Variants in RAP1GAP2 observed in about 807,000 individuals in gnomAD.
The protein encoded by RAP1GAP2 is RAP1 GTPase activating protein 2.
In RAP1GAP2, 27 loss-of-function variants were observed where a neutral mutation model predicts 95.0. The observed-to-expected ratio is 0.28, with a 90% confidence interval of 0.21 to 0.39. The LOEUF (loss-of-function observed/expected upper bound fraction) is 0.39. RAP1GAP2 is among the 10% of genes least tolerant of loss of function. RAP1GAP2 has a pLI of 1.00. For missense variants in RAP1GAP2, 771 were observed against 970.0 expected (o/e 0.79, Z 2.72); for synonymous variants, 373 against 380.9 (o/e 0.98, Z 0.24).
chr17:2,834,907 T>A (rs1042923515), intron 2 of RAP1GAP2, among the ~76,000 whole-genome samples: 3 of 151,922 alleles, frequency 2.0e-5, no homozygotes, highest in Non-Finnish European at 4.4e-5. Flanking sequence ...TTAAAATAAA[T>A]TAAATTAATT....
intron 2 of RAP1GAP2, among the ~76,000 whole-genome samples, chr17:2,842,578 TG>T (rs2071414217): frequency 6.7e-6 from 1 of 148,260 alleles, no homozygotes; most frequent in African/African-American, 2.5e-5. Context: ...CCTCTAGGAA[TG>T]GCATGAAATA....
intron 2 of RAP1GAP2, among the ~76,000 whole-genome samples, chr17:2,860,489 T>G (rs946907545): frequency 2.6e-5 from 4 of 151,656 alleles, no homozygotes; most frequent in Non-Finnish European, 5.9e-5. Flanking sequence ...GTCTCCCTTA[T>G]CCTCTCTCCT....
chr17:2,919,412 C>G (rs2042677331), intron 3 of RAP1GAP2, among the ~76,000 whole-genome samples: 1 of 152,204 alleles, frequency 6.6e-6, no homozygotes, highest in African/African-American at 2.4e-5. Flanking sequence ...CTGGGAGCGT[C>G]CCAAGGCTGG....
rs531328085 is a variant in RAP1GAP2, at chr17:2,801,127, C to T, written c.80+577C>T. 2.0e-5 allele frequency among the ~76,000 whole-genome samples: 3 copies of T among 151,108 alleles called. No homozygotes were observed. The South Asian group carries it at 6.3e-4, about 32-fold the overall frequency. Reference sequence around the variant, plus strand: ...CCTCCCAAAGTGCTGGGATTATAGGCGTGAGCCACTGCGCCTAGCCCAGAC... The same window carrying T: ...CCTCCCAAAGTGCTGGGATTATAGGTGTGAGCCACTGCGCCTAGCCCAGAC... On this transcript the variant is annotated intron_variant, in intron 2 of 24. Transcript: ENST00000254695.
intron 3 of RAP1GAP2, among the ~76,000 whole-genome samples, chr17:2,933,296 A>T (rs1251694388): frequency 6.6e-6 from 1 of 151,800 alleles, no homozygotes; most frequent in African/African-American, 2.4e-5. Flanking sequence ...CAGGGCCAGT[A>T]AAGTGCCTGG....
chr17:2,928,283 C>T (rs548830884), intron 3 of RAP1GAP2, among the ~76,000 whole-genome samples: 8 of 152,174 alleles, frequency 5.3e-5, no homozygotes, highest in Non-Finnish European at 7.3e-5. Context: ...TCCATGCGGC[C>T]GGTGGGGAAA....
rs933314544 is a variant in RAP1GAP2, at chr17:2,818,605, G to T, written c.80+18055G>T. ...GGCCTCCCAAAGTTTTGGGATTGCA[G>T]GTGTGAGCCACCGTGCCCGGCCTCA... On this transcript the variant is annotated intron_variant, in intron 2 of 24. Transcript: ENST00000254695. 1.2e-4 allele frequency among the ~76,000 whole-genome samples: 19 copies of T among 152,228 alleles called. 1 individual carries two copies. The highest frequency in any genetic ancestry group is 5.2e-4 in the Admixed American group (8 of 15,270).
intron 2 of RAP1GAP2, among the ~76,000 whole-genome samples, chr17:2,895,047 G>C (rs184626627): frequency 5.3e-5 from 8 of 152,330 alleles, no homozygotes; most frequent in Admixed American, 3.3e-4. Context: ...GGCACTGTTT[G>C]TACTGTGTGT....
chr17:3,021,582 C>T (rs1489565749), intron 19 of RAP1GAP2, among the ~76,000 whole-genome samples: 1 of 152,126 alleles, frequency 6.6e-6, no homozygotes, highest in Non-Finnish European at 1.5e-5. Context: ...ACTACAGGCG[C>T]ATGCCACCAC....
rs530165561 is a variant in RAP1GAP2 at position 2,880,133 on chromosome 17, G to A, written c.81-25151G>A. On this transcript the variant is annotated intron_variant, in intron 2 of 24. Transcript: ENST00000254695. Reference sequence around the variant, plus strand: ...AGCACGGGGACTGATGGATGACATCGGAAGGGAGGGACATTCAGGCAGAGA... The same window carrying A: ...AGCACGGGGACTGATGGATGACATCAGAAGGGAGGGACATTCAGGCAGAGA... Among the ~76,000 whole-genome samples, 35 of 152,242 alleles carry A rather than the reference G, an allele frequency of 2.3e-4. No homozygotes were observed. In the South Asian group the frequency reaches 7.1e-3, roughly 31 times the overall value.
chr17:2,990,549 C>T (rs1203833151), intron 11 of RAP1GAP2, among the ~76,000 whole-genome samples: 1 of 152,078 alleles, frequency 6.6e-6, no homozygotes, highest in African/African-American at 2.4e-5. Context: ...GTGAAGTTGC[C>T]GGATCATATG....
intron 3 of RAP1GAP2, among the ~76,000 whole-genome samples, chr17:2,943,002 C>T (rs553289210): frequency 2.1e-4 from 32 of 152,084 alleles, no homozygotes; most frequent in Non-Finnish European, 4.6e-4. Context: ...CTCCTGACCT[C>T]AAGTGATCTG....
chr17:2,775,059 T>C (rs1466799329), upstream of RAP1GAP2, among the ~76,000 whole-genome samples: 1 of 151,206 alleles, frequency 6.6e-6, no homozygotes, highest in East Asian at 2.0e-4. Flanking sequence ...CTTGAACTCC[T>C]GACCTTAAAT....
Position 2,962,726 on chromosome 17 carries a change from G to C in RAP1GAP2, c.246+12G>C. 1 of 1,589,034 alleles carries C rather than the reference G, an allele frequency of 6.3e-7. No homozygotes were observed. The highest frequency in any genetic ancestry group is 8.5e-7 in the Non-Finnish European group (1 of 1,170,880). ...CCCAGAAGAACAAGGTGGGCTGGGT[G>C]GGTGAGGGGGTGGCCAGACGGCCCT... On this transcript the variant is annotated intron_variant, in intron 5 of 24. Coordinates refer to ENST00000254695, the MANE Select transcript of RAP1GAP2 (RefSeq NM_015085.5).
chr17:2,802,257 G>T (rs2069332408), intron 2 of RAP1GAP2, among the ~76,000 whole-genome samples: 1 of 152,204 alleles, frequency 6.6e-6, no homozygotes, highest in Non-Finnish European at 1.5e-5. Flanking sequence ...CCTGGGCAAA[G>T]TACGGCCAGT....
intron 17 of RAP1GAP2, among the ~76,000 whole-genome samples, chr17:3,009,580 G>C (rs1185773909): frequency 6.6e-6 from 1 of 152,158 alleles, no homozygotes; most frequent in Admixed American, 6.5e-5. Flanking sequence ...GCCTGGGCCC[G>C]GGCAGGCCTG....
chr17:2,937,080 A>G (rs2043329479), intron 3 of RAP1GAP2, among the ~76,000 whole-genome samples: 1 of 152,186 alleles, frequency 6.6e-6, no homozygotes, highest in African/African-American at 2.4e-5. Flanking sequence ...GGACGGGAGT[A>G]CCACCTTGGG....
chr17:2,835,871 T>C (rs1469136912), intron 2 of RAP1GAP2, among the ~76,000 whole-genome samples: 1 of 152,188 alleles, frequency 6.6e-6, no homozygotes, highest in East Asian at 1.9e-4. Flanking sequence ...ATGAAATGAG[T>C]AGCTTGTGTG....
chr17:2,804,310 C>T (rs1384883740), intron 2 of RAP1GAP2, among the ~76,000 whole-genome samples: 3 of 152,200 alleles, frequency 2.0e-5, no homozygotes, highest in East Asian at 1.9e-4. Context: ...GCTCAGGCTT[C>T]GTTGCACTGT....
Sources: allele counts gnomAD v4.1 joint callset (sites outside exome capture counted in the v4.1 genomes callset), GRCh38; gene constraint gnomAD v4.1.1; transcripts MANE v1.5; gene names NCBI Gene and HGNC (gene_info 2026-07-23, HGNC 2026-07-21).